The following IL13 variants were observed in gnomAD, a reference collection of about 807,000 sequenced individuals.
The protein encoded by IL13 is interleukin 13.
Under a neutral mutation model 11.1 loss-of-function variants are expected in IL13, and 9 were observed. That is an observed-to-expected ratio of 0.81 (90% confidence interval 0.49 to 1.42). IL13 has a LOEUF of 1.42. Ranked by LOEUF, IL13 falls within the 40% of genes most tolerant of loss-of-function variation. The pLI is 0.00. For missense variants in IL13, 181 were observed against 182.5 expected, an observed-to-expected ratio of 0.99 and a Z score of 0.05; for synonymous variants, 75 against 76.9, an observed-to-expected ratio of 0.97 and a Z score of 0.13.
chr5:132,658,969 CAG>C (rs1221308244), intron 1 of IL13: 1 of 194,122 alleles, frequency 5.2e-6, no homozygotes, highest in Non-Finnish European at 1.1e-5. Context: ...TGGCCAACAC[CAG>C]AGTGTCCATG....
rs2069747 is a variant in IL13, at chr5:132,659,914, C to T, written c.333+86C>T. 3.8e-3 allele frequency: 5,942 copies of T among 1,547,552 alleles called. 225 individuals carry two copies. The African/African-American group carries it at 0.073, about 19-fold the overall frequency. On this transcript the variant is annotated intron_variant, in intron 3 of 3. Coordinates refer to ENST00000304506, the MANE Select transcript of IL13 (RefSeq NM_002188.3). The surrounding 1 kb of genome is among the most constrained non-coding windows in gnomAD (Gnocchi z 4.1). ...GCTGAAGGGAAGCTGGCTGAATATC[C>T]ATGGTGTGTGTCCACCCAGGGGTGG...
At position 132,660,166 on chromosome 5, in the gene IL13, G is replaced by T. The variant is rs961082728; in HGVS notation, c.334-9G>T. 22 of 1,613,648 alleles carry T rather than the reference G, an allele frequency of 1.4e-5. No homozygotes were observed. The Middle Eastern group carries it at 4.9e-4, about 36-fold the overall frequency. On this transcript the variant is annotated splice_polypyrimidine_tract_variant and intron_variant, in intron 3 of 3. Transcript: ENST00000304506. The stretch of plus-strand genomic sequence containing the variant: ...GTTCTACTCATGTGCTGACCTCTTT[G>T]TCCTGCAGCAGTTTTCCAGCTTGCA...
At chr5:132,660,146 A>G in intron 3 of IL13, 29 bp from the exon 4 acceptor site, 1 of 1,606,190 alleles carries the variant, frequency 6.2e-7, no homozygotes, top group Non-Finnish European at 8.5e-7. Context: ...CTGGCGTTCT[A>G]CTCATGTGCT....
intron 1 of IL13, chr5:132,658,748 G>C (rs995657274): frequency 2.0e-4 from 38 of 192,942 alleles, no homozygotes; most frequent in Non-Finnish European, 3.4e-4. Flanking sequence ...ACCATCATAG[G>C]CCCGCCCTTA....
Position 132,660,141 on chromosome 5 carries a change from G to T in IL13, c.334-34G>T, listed in dbSNP as rs202047364. 41 of 1,602,988 alleles carry T rather than the reference G, an allele frequency of 2.6e-5. 1 individual carries two copies. In the South Asian group the frequency reaches 4.2e-4, roughly 16 times the overall value. ...TGTGCGAGTCGTCCCGGCCTCTGGC[G>T]TTCTACTCATGTGCTGACCTCTTTG... On this transcript the variant is annotated intron_variant, in intron 3 of 3. Coordinates refer to ENST00000304506, the MANE Select transcript of IL13 (RefSeq NM_002188.3).
chr5:132,657,585 C>G (rs1752063431), upstream of IL13, among the ~76,000 whole-genome samples: 2 of 152,180 alleles, frequency 1.3e-5, no homozygotes, highest in East Asian at 3.8e-4. Context: ...ACCTGGAAAT[C>G]TGAACTTTGA....
rs1752077860 is a variant in IL13, at chr5:132,658,270, T to C, written c.84T>C (p.Leu28=). The change falls in exon 1 of 4, where the codon CTT becomes CTC. Residue 28 remains leucine (L), a synonymous_variant. Transcript: ENST00000304506. ...LLTTVIALTC[L]GGFASPGPVP... ...CCACGGTCATTGCTCTCACTTGCCTTGGCGGCTTTGCCTCCCCAGGCCCTG... is the reference window on the plus strand; with the variant it reads ...CCACGGTCATTGCTCTCACTTGCCTCGGCGGCTTTGCCTCCCCAGGCCCTG... 6.2e-7 allele frequency: 1 copy of C among 1,608,910 alleles called. No homozygotes were observed. The highest frequency in any genetic ancestry group is 1.7e-5 in the Admixed American group (1 of 59,988).
chr5:132,658,472 A>G, intron 1 of IL13, 112 bp downstream of exon 1: 1 of 636,270 alleles, frequency 1.6e-6, no homozygotes. Context: ...AGGTCAGGAA[A>G]AATCTCCATG....
Position 132,660,484 on chromosome 5 carries a change from C to G in IL13, c.*202C>G. ...GCCTTCCCCTTGCCCAGGGCTCAGC[C>G]TGGTGGGCCTCCTCTGTCCAGGGCC... On this transcript the variant is annotated 3_prime_UTR_variant, in exon 4 of 4. Coordinates refer to ENST00000304506, the MANE Select transcript of IL13 (RefSeq NM_002188.3). The G allele has an allele frequency of 1.2e-6, 1 of 834,282 alleles. No individual in the cohort carries two copies. The allele number at this position is 834,282 out of a possible 1,614,324, so 51.7% of individuals were successfully genotyped here.
At position 132,660,317 on chromosome 5, in the gene IL13, C is replaced by A. The variant is rs1438297670; in HGVS notation, c.*35C>A. The A allele has an allele frequency of 5.0e-6, 8 of 1,603,308 alleles. No individual in the cohort carries two copies. The highest frequency in any genetic ancestry group is 8.5e-7 in the Non-Finnish European group (1 of 1,176,754). The stretch of plus-strand genomic sequence containing the variant: ...AGCATCATTATTTGCAGAGACAGGA[C>A]CTGACTATTGAAGTTGCAGATTCAT... On this transcript the variant is annotated 3_prime_UTR_variant, in exon 4 of 4. Transcript: ENST00000304506.
Position 132,659,531 on chromosome 5 carries a change from C to T in IL13, c.228+60C>T, listed in dbSNP as rs1013002320. The T allele has an allele frequency of 6.4e-6, 10 of 1,564,790 alleles. No homozygotes were observed. Among genetic ancestry groups the T allele is most frequent in the Non-Finnish European group, 8.8e-6 (10 of 1,141,900 alleles). ...AGGCTCCAGGCCTTGGGCTTATCTTCTCTGAGCCTCCCTTCCATGGCTGGG... is the reference window on the plus strand; with the variant it reads ...AGGCTCCAGGCCTTGGGCTTATCTTTTCTGAGCCTCCCTTCCATGGCTGGG... On this transcript the variant is annotated intron_variant, in intron 2 of 3. Coordinates refer to ENST00000304506, the MANE Select transcript of IL13 (RefSeq NM_002188.3). The surrounding 1 kb of genome is among the most constrained non-coding windows in gnomAD (Gnocchi z 4.1).
chr5:132,659,810 G>C lies in IL13; in HGVS notation c.315G>C (p.Pro105=), dbSNP rs200113399. The change falls in exon 3 of 4, where the codon CCG becomes CCC. Residue 105 remains proline (P), a synonymous_variant. Coordinates refer to ENST00000304506, the MANE Select transcript of IL13 (RefSeq NM_002188.3). The surrounding 1 kb of genome is among the most constrained non-coding windows in gnomAD (Gnocchi z 4.1). Reference sequence around the variant, plus strand: ...AGAGGATGCTGAGCGGATTCTGCCCGCACAAGGTCTCAGCTGGGGTAAGGC... The same window carrying C: ...AGAGGATGCTGAGCGGATTCTGCCCCCACAAGGTCTCAGCTGGGGTAAGGC... ...KTQRMLSGFC[P]HKVSAGQFSS... is the part of the protein sequence containing the mutation. 6.2e-7 allele frequency: 1 copy of C among 1,613,734 alleles called. No homozygotes were observed. The highest frequency in any genetic ancestry group is 2.2e-5 in the East Asian group (1 of 44,876).
rs569385458 is a variant in IL13 at position 132,660,318 on chromosome 5, C to A, written c.*36C>A. ...GCATCATTATTTGCAGAGACAGGACCTGACTATTGAAGTTGCAGATTCATT... is the reference window on the plus strand; with the variant it reads ...GCATCATTATTTGCAGAGACAGGACATGACTATTGAAGTTGCAGATTCATT... On this transcript the variant is annotated 3_prime_UTR_variant, in exon 4 of 4. Coordinates refer to ENST00000304506, the MANE Select transcript of IL13 (RefSeq NM_002188.3). The A allele has an allele frequency of 1.2e-6, 2 of 1,602,924 alleles. No homozygotes were observed. Among genetic ancestry groups the A allele is most frequent in the South Asian group, 2.2e-5 (2 of 89,222 alleles).
chr5:132,659,468 C>A lies in IL13; in HGVS notation c.225C>A (p.Gly75=). The A allele has an allele frequency of 1.2e-6, 2 of 1,610,980 alleles. No homozygotes were observed. The highest frequency in any genetic ancestry group is 1.7e-6 in the Non-Finnish European group (2 of 1,177,910). The change falls in exon 2 of 4, where the codon GGC becomes GGA. Residue 75 remains glycine (G), a synonymous_variant. Coordinates refer to ENST00000304506, the MANE Select transcript of IL13 (RefSeq NM_002188.3). The surrounding 1 kb of genome is among the most constrained non-coding windows in gnomAD (Gnocchi z 4.1). ...TATGGAGCATCAACCTGACAGCTGG[C>A]ATGGTAAGGACCTTTGGGTGCAGGG... is the stretch of plus-strand genomic sequence containing the variant. ...SMVWSINLTA[G]MYCAALESLI... is the part of the protein sequence containing the mutation.
rs1752084353 is a variant in IL13 at position 132,658,551 on chromosome 5, C to T, written c.174+191C>T. Reference sequence around the variant, plus strand: ...GGGGGGCTCAGCACTGTGGATGGACCTATGGAGGTGTCTGGCAGACTCCCC... The same window carrying T: ...GGGGGGCTCAGCACTGTGGATGGACTTATGGAGGTGTCTGGCAGACTCCCC... On this transcript the variant is annotated intron_variant, in intron 1 of 3. Coordinates refer to ENST00000304506, the MANE Select transcript of IL13 (RefSeq NM_002188.3). The T allele has an allele frequency of 2.0e-5, 10 of 512,752 alleles. No individual in the cohort carries two copies. In the South Asian group the frequency reaches 2.6e-4, roughly 13 times the overall value. 31.8% of individuals were successfully genotyped at this position (512,752 alleles called of 1,614,324 possible). A position where few individuals can be genotyped will look rare whatever the true frequency, so the allele number is the denominator to read the frequency against.
At position 132,659,954 on chromosome 5, in the gene IL13, C is replaced by G; in HGVS notation, c.333+126C>G. ...CCCAGGGGTGGGGCCATTGTGGCAG[C>G]AGGGACGTGGCCTTCGGGATTTACA... On this transcript the variant is annotated intron_variant, in intron 3 of 3. Coordinates refer to ENST00000304506, the MANE Select transcript of IL13 (RefSeq NM_002188.3). The surrounding 1 kb of genome is among the most constrained non-coding windows in gnomAD (Gnocchi z 4.1). 6.8e-7 allele frequency: 1 copy of G among 1,473,360 alleles called. No homozygotes were observed. The highest frequency in any genetic ancestry group is 9.0e-7 in the Non-Finnish European group (1 of 1,108,000). 91.3% of individuals were successfully genotyped at this position (1,473,360 alleles called of 1,614,324 possible).
intron 3 of IL13, among the ~76,000 whole-genome samples, 166 bp from the exon 4 acceptor site, chr5:132,660,009 A>G (rs1407172227): frequency 6.6e-6 from 1 of 152,140 alleles, no homozygotes; most frequent in Non-Finnish European, 1.5e-5. Flanking sequence ...CCTAACTCCT[A>G]CCTGGGCCTC....
In IL13 at chr5:132,660,191, A is replaced by G. The variant is rs184944562; in HGVS notation, c.350A>G (p.His117Arg). The G allele has an allele frequency of 5.1e-5, 83 of 1,614,144 alleles. No homozygotes were observed. In the African/African-American group the frequency reaches 7.3e-4, roughly 14 times the overall value. ...KVSAGQFSSL[H>R]VRDTKIEVAQ... ...GTCCTGCAGCAGTTTTCCAGCTTGC[A>G]TGTCCGAGACACCAAAATCGAGGTG... Residue 117 changes from histidine to arginine, a missense_variant, in exon 4 of 4, where the codon CAT becomes CGT. Coordinates refer to ENST00000304506, the MANE Select transcript of IL13 (RefSeq NM_002188.3).
chr5:132,659,783 C>A lies in IL13; in HGVS notation c.288C>A (p.Thr96=), dbSNP rs780855186. Residue 96 remains threonine, a synonymous_variant, in exon 3 of 4, where the codon ACC becomes ACA. Transcript: ENST00000304506. This position sits in a 1 kb window ranked among gnomAD's most constrained non-coding sequence, Gnocchi z 4.1. ...CAGGCTGCAGTGCCATCGAGAAGAC[C>A]CAGAGGATGCTGAGCGGATTCTGCC... The part of the protein sequence containing the change: ...NVSGCSAIEK[T]QRMLSGFCPH... 1 of 1,613,792 alleles carries A rather than the reference C, an allele frequency of 6.2e-7. No individual in the cohort carries two copies. The highest frequency in any genetic ancestry group is 8.5e-7 in the Non-Finnish European group (1 of 1,180,020).
Sources: gnomAD v4.1 joint callset for allele counts (sites outside exome capture counted in the v4.1 genomes callset) on GRCh38, gnomAD v4.1.1 for gene constraint, Gnocchi (gnomAD v3.1) non-coding constraint, MANE v1.5 for transcripts, NCBI Gene and HGNC (gene_info 2026-07-23, HGNC 2026-07-21) for gene names.